The following STXBP4 variants were observed in gnomAD, a reference collection of about 807,000 sequenced individuals.
STXBP4 encodes syntaxin-binding protein 4.
A neutral mutation model predicts 76.1 loss-of-function variants in STXBP4; 55 were observed. The observed-to-expected ratio is 0.72, with a 90% CI of 0.58 to 0.91. The LOEUF (loss-of-function observed/expected upper bound fraction) is 0.91, where lower values mean the gene tolerates loss of function less well. STXBP4 is among the 40% of genes least tolerant of loss of function. The pLI is 0.00. For missense variants in STXBP4, 618 were observed against 636.9 expected (o/e 0.97, Z 0.32); for synonymous variants, 201 against 220.2 (o/e 0.91, Z 0.77).
intron 12 of STXBP4, among the ~76,000 whole-genome samples, chr17:55,068,846 C>G (rs2079085308): frequency 6.6e-6 from 1 of 152,084 alleles, no homozygotes; most frequent in Non-Finnish European, 1.5e-5. Context: ...ATCTGAGATT[C>G]TAACCTAGTT....
Position 55,052,941 on chromosome 17 carries a change from GTGT to G in STXBP4, c.1011+5788_1011+5790del, listed in dbSNP as rs2078878114. Among the ~76,000 whole-genome samples, 4 of 143,322 alleles carry G rather than the reference GTGT, an allele frequency of 2.8e-5. No homozygotes were observed. In the South Asian group the frequency reaches 9.3e-4, roughly 33 times the overall value. The allele number at this position is 143,322 out of a possible 152,430, so 94.0% of individuals were successfully genotyped here. On this transcript the variant is annotated intron_variant, in intron 12 of 17. Coordinates refer to ENST00000376352, the MANE Select transcript of STXBP4 (RefSeq NM_178509.6). ...CGTGTGTGTGTGTGTGTGTGTGTGT[GTGT>G]GTGTGTGGGTTGTATTCTTTAGAAA...
chr17:55,107,958 T>C (rs1247705543), intron 16 of STXBP4, among the ~76,000 whole-genome samples: 3 of 152,186 alleles, frequency 2.0e-5, no homozygotes, highest in Admixed American at 2.0e-4. Context: ...TGCTGGGAGA[T>C]CCGCTGCGCT....
At chr17:55,014,085 G>C (rs1194889906) in intron 8 of STXBP4, among the ~76,000 whole-genome samples, 1 of 152,148 alleles carries the variant, frequency 6.6e-6, no homozygotes, top group Non-Finnish European at 1.5e-5. Context: ...AGTATTGCAG[G>C]GCTGTTGCAT....
intron 8 of STXBP4, among the ~76,000 whole-genome samples, chr17:55,026,542 T>G (rs895255061): frequency 6.6e-6 from 1 of 152,046 alleles, no homozygotes; most frequent in Non-Finnish European, 1.5e-5. Flanking sequence ...GCCAAAAAAC[T>G]AAGTCCCAAG....
At chr17:55,100,172 G>A (rs887999677) in intron 16 of STXBP4, among the ~76,000 whole-genome samples, 1 of 152,086 alleles carries the variant, frequency 6.6e-6, no homozygotes, top group Admixed American at 6.5e-5. Flanking sequence ...TTATCTGCTG[G>A]AATTGTATTT....
intron 9 of STXBP4, 126 bp from the exon 10 acceptor site, chr17:55,034,042 C>A: frequency 1.7e-6 from 1 of 595,554 alleles, no homozygotes. Flanking sequence ...CCTATCACTT[C>A]AGTCAATACT....
At chr17:55,030,295 C>A (rs1401287363) in intron 8 of STXBP4, among the ~76,000 whole-genome samples, 2 of 152,094 alleles carry the variant, frequency 1.3e-5, no homozygotes, top group African/African-American at 4.8e-5. Context: ...TCCATCAGTT[C>A]CTCTTTCTTT....
chr17:55,067,822 G>A (rs1363501181), intron 12 of STXBP4, among the ~76,000 whole-genome samples: 1 of 152,088 alleles, frequency 6.6e-6, no homozygotes, highest in African/African-American at 2.4e-5. Context: ...AGCAACAGCT[G>A]CAAATTACAT....
chr17:55,023,685 A>C (rs1385912959), intron 8 of STXBP4, among the ~76,000 whole-genome samples: 1 of 152,108 alleles, frequency 6.6e-6, no homozygotes, highest in Non-Finnish European at 1.5e-5. Flanking sequence ...CAAGCTAGGA[A>C]GGAAGAAAAA....
rs2077657845 is a variant in STXBP4, at chr17:54,988,393, AT to A, written c.47+2128del. Among the ~76,000 whole-genome samples the A allele has an allele frequency of 2.0e-5, 3 of 152,330 alleles. No individual in the cohort carries two copies. In the East Asian group the frequency reaches 5.8e-4, roughly 29 times the overall value. On this transcript the variant is annotated intron_variant, in intron 3 of 17. Transcript: ENST00000376352. ...GTTTAAGAGTTAGTGGAGAGATCTA[AT>A]AAGGTAGCTTACTTCCCTTTCTTAC...
chr17:55,096,833 CCAGA>C (rs1466773411), intron 16 of STXBP4, among the ~76,000 whole-genome samples: 1 of 152,090 alleles, frequency 6.6e-6, no homozygotes, highest in African/African-American at 2.4e-5. Context: ...GCTTAAACCT[CCAGA>C]CAGAGTTAAT....
chr17:55,146,236 T>G (rs1444090711), intron 17 of STXBP4, among the ~76,000 whole-genome samples: 1 of 152,234 alleles, frequency 6.6e-6, no homozygotes, highest in Non-Finnish European at 1.5e-5. Context: ...CATACTTATA[T>G]TAACTCTATA....
intron 16 of STXBP4, among the ~76,000 whole-genome samples, chr17:55,125,397 A>G (rs2145103466): frequency 6.8e-6 from 1 of 146,616 alleles, no homozygotes; most frequent in Admixed American, 7.1e-5. Context: ...TGCATCTGAG[A>G]GTTCCACTTC....
chr17:55,121,200 A>C (rs988892555), intron 16 of STXBP4, among the ~76,000 whole-genome samples: 1 of 152,228 alleles, frequency 6.6e-6, no homozygotes, highest in Non-Finnish European at 1.5e-5. Context: ...GCAAAGTTTA[A>C]GATATTAAGT....
chr17:55,061,915 G>T (rs1406690081), intron 12 of STXBP4, among the ~76,000 whole-genome samples: 1 of 152,048 alleles, frequency 6.6e-6, no homozygotes, highest in East Asian at 1.9e-4. Context: ...GTCTATTACA[G>T]TCATGCAAGA....
Position 55,103,936 on chromosome 17 carries a change from A to T in STXBP4, c.1489+22753A>T, listed in dbSNP as rs144815034. On this transcript the variant is annotated intron_variant, in intron 16 of 17. Transcript: ENST00000376352. ...CGTTGCAGCTCTCTGTTTGTCTATT[A>T]TTGGTGTATAGGAATGCTTGTGATT... 3.3e-3 allele frequency among the ~76,000 whole-genome samples: 508 copies of T among 152,122 alleles called. 2 individuals are homozygous for T. The highest frequency in any genetic ancestry group is 0.011 in the African/African-American group (473 of 41,484).
chr17:55,186,898 C>G, the STXBP4 span, among the ~76,000 whole-genome samples: 1 of 152,124 alleles, frequency 6.6e-6, no homozygotes, highest in African/African-American at 2.4e-5. Context: ...ACAAAAGAGA[C>G]AGCAAGCAAA....
At chr17:55,035,630 T>C (rs2078587724) in intron 10 of STXBP4, among the ~76,000 whole-genome samples, 1 of 151,962 alleles carries the variant, frequency 6.6e-6, no homozygotes, top group Admixed American at 6.6e-5. Context: ...TTATACTTAT[T>C]ATTGGTACAT....
At chr17:55,029,928 A>T (rs2078476895) in intron 8 of STXBP4, among the ~76,000 whole-genome samples, 3 of 152,152 alleles carry the variant, frequency 2.0e-5, no homozygotes, top group Non-Finnish European at 1.5e-5. Context: ...TTACTAAATG[A>T]TTGAACGAGA....
Sources: allele counts gnomAD v4.1 joint callset (sites outside exome capture counted in the v4.1 genomes callset), GRCh38; gene constraint gnomAD v4.1.1; transcripts MANE v1.5; gene names NCBI Gene and HGNC (gene_info 2026-07-23, HGNC 2026-07-21).